Variants in SYNE3 observed in about 807,000 individuals in gnomAD.
SYNE3 encodes the protein nesprin-3.
SYNE3 carries 100 observed loss-of-function variants against 111.2 expected under a neutral mutation model. The ratio of observed to expected loss-of-function variants is 0.90; its 90% CI spans 0.77 to 1.06. SYNE3 has a LOEUF of 1.06. SYNE3 is among the 50% of genes least tolerant of loss of function. SYNE3 has a pLI of 0.00. For synonymous variants in SYNE3, 547 were observed against 533.9 expected (o/e 1.02, Z -0.34); for missense variants, 1,160 against 1,240.3 (o/e 0.94, Z 0.97).
At chr14:95,449,661 G>A in intron 8 of SYNE3, 1 of 985,446 alleles carries the variant, frequency 1.0e-6, no homozygotes, top group Non-Finnish European at 1.2e-6. Context: ...TCTCAGGAGT[G>A]CTAATGCCTC....
chr14:95,437,274 G>A (rs777621586), intron 14 of SYNE3, among the ~76,000 whole-genome samples: 12 of 152,148 alleles, frequency 7.9e-5, no homozygotes, highest in Admixed American at 3.3e-4. Flanking sequence ...TTGCCCCCTC[G>A]GGGCTCCATG....
At position 95,414,685 on chromosome 14, in the gene SYNE3, TGACA is replaced by T. The variant is rs1393193145; in HGVS notation, c.*3137_*3140del. Reference sequence around the variant, plus strand: ...TCTCCTTCCCTCCTCTCTCTCTCTCTGACACACACACACACACACACACACACAC... The same window carrying T: ...TCTCCTTCCCTCCTCTCTCTCTCTCTCACACACACACACACACACACACAC... On this transcript the variant is annotated 3_prime_UTR_variant, in exon 18 of 18. Coordinates refer to ENST00000682763, the MANE Select transcript of SYNE3 (RefSeq NM_152592.6). 1.2e-5 allele frequency: 1 copy of T among 86,844 alleles called. No homozygotes were observed. Among genetic ancestry groups the T allele is most frequent in the African/African-American group, 5.0e-5 (1 of 19,864 alleles). The allele number at this position is 86,844 out of a possible 1,614,324, so 5.4% of individuals were successfully genotyped here.
intron 6 of SYNE3, among the ~76,000 whole-genome samples, chr14:95,454,419 G>A (rs1343993847): frequency 1.3e-5 from 2 of 152,334 alleles, no homozygotes; most frequent in African/African-American, 2.4e-5. Context: ...GTAATTTTCC[G>A]AAAGCCACTC....
chr14:95,435,055 G>A (rs1217550265), intron 15 of SYNE3, among the ~76,000 whole-genome samples: 1 of 152,160 alleles, frequency 6.6e-6, no homozygotes, highest in Non-Finnish European at 1.5e-5. Flanking sequence ...GTAAGAACAG[G>A]CAGAAATAAT....
At chr14:95,495,890 C>A (rs538079196) in intron 1 of SYNE3, among the ~76,000 whole-genome samples, 58 of 152,330 alleles carry the variant, frequency 3.8e-4, no homozygotes, top group African/African-American at 1.2e-3. Flanking sequence ...GCCCGAGGGG[C>A]CAGTGAGGCT....
intron 4 of SYNE3, among the ~76,000 whole-genome samples, chr14:95,458,971 A>G (rs1257031567): frequency 6.6e-6 from 1 of 152,228 alleles, no homozygotes; most frequent in Non-Finnish European, 1.5e-5. Flanking sequence ...TCCAGACTGG[A>G]GCTGGGACAT....
chr14:95,510,507 T>C (rs545284191), intron 1 of SYNE3, among the ~76,000 whole-genome samples: 2 of 152,282 alleles, frequency 1.3e-5, no homozygotes, highest in African/African-American at 4.8e-5. Context: ...AGAATCAAAA[T>C]GTGCAGCACT....
chr14:95,482,265 C>T (rs1889306984), intron 1 of SYNE3, among the ~76,000 whole-genome samples: 1 of 152,152 alleles, frequency 6.6e-6, no homozygotes, highest in Non-Finnish European at 1.5e-5. Context: ...GAAACCCTGT[C>T]TCTACTAAAA....
chr14:95,448,265 A>T (rs1314692293), intron 8 of SYNE3, among the ~76,000 whole-genome samples: 1 of 151,862 alleles, frequency 6.6e-6, no homozygotes, highest in African/African-American at 2.4e-5. Flanking sequence ...TTTGTGACAC[A>T]TATGAAATTC....
chr14:95,429,684 TAAGCA>T (rs1461544028), intron 17 of SYNE3, among the ~76,000 whole-genome samples: 1 of 152,208 alleles, frequency 6.6e-6, no homozygotes, highest in Non-Finnish European at 1.5e-5. Flanking sequence ...ATAGCCCAAG[TAAGCA>T]GATTCTTTAG....
chr14:95,457,572 G>A (rs1004691093), intron 4 of SYNE3, among the ~76,000 whole-genome samples: 1 of 152,192 alleles, frequency 6.6e-6, no homozygotes, highest in Non-Finnish European at 1.5e-5. Flanking sequence ...TTGGCACTGG[G>A]CCCTGTCACT....
chr14:95,446,149 G>A, intron 8 of SYNE3, 58 bp from the exon 9 acceptor site: 1 of 1,590,942 alleles, frequency 6.3e-7, no homozygotes, highest in Non-Finnish European at 8.6e-7. Context: ...CTCAGAAACA[G>A]AGCCAGGGGC....
chr14:95,416,623 G>A lies in SYNE3; in HGVS notation c.*1203C>T, dbSNP rs1316550122. On this transcript the variant is annotated 3_prime_UTR_variant, in exon 18 of 18. Coordinates refer to ENST00000682763, the MANE Select transcript of SYNE3 (RefSeq NM_152592.6). ...AGCTCGCCTACACCTGGCTGGAGAG[G>A]GCCTGGTTTTGGGTGGCCTGGGCCC... The A allele has an allele frequency of 6.6e-6, 1 of 152,300 alleles. No individual in the cohort carries two copies. Among genetic ancestry groups the A allele is most frequent in the East Asian group, 1.9e-4 (1 of 5,192 alleles). The allele number at this position is 152,300 out of a possible 1,614,324, so 9.4% of individuals were successfully genotyped here. A position where few individuals can be genotyped will look rare whatever the true frequency, so the allele number is the denominator to read the frequency against.
At chr14:95,467,276 C>T (rs1888244446) in intron 3 of SYNE3, among the ~76,000 whole-genome samples, 2 of 152,334 alleles carry the variant, frequency 1.3e-5, no homozygotes, top group South Asian at 4.1e-4. Flanking sequence ...CCCCTCCTAA[C>T]TTCCTAACAA....
intron 9 of SYNE3, among the ~76,000 whole-genome samples, chr14:95,445,280 C>A (rs930450855): frequency 6.6e-6 from 1 of 152,164 alleles, no homozygotes; most frequent in African/African-American, 2.4e-5. Context: ...ACCTTCTTGA[C>A]CATTCTGCTT....
At chr14:95,418,214 T>G (rs1039548334) in intron 17 of SYNE3, among the ~76,000 whole-genome samples, 188 bp from the exon 18 acceptor site, 2 of 152,140 alleles carry the variant, frequency 1.3e-5, no homozygotes, top group Admixed American at 6.5e-5. Context: ...GTTTCTGCAG[T>G]TTTCCCAAAG....
chr14:95,426,999 A>G (rs886638468), intron 17 of SYNE3, among the ~76,000 whole-genome samples: 46 of 151,640 alleles, frequency 3.0e-4, no homozygotes, highest in African/African-American at 1.1e-3. Context: ...AGATATGATT[A>G]TATATGAATA....
chr14:95,482,494 G>A (rs1270179682), intron 1 of SYNE3, among the ~76,000 whole-genome samples: 1 of 152,158 alleles, frequency 6.6e-6, no homozygotes, highest in Admixed American at 6.5e-5. Flanking sequence ...GTCATTCAGT[G>A]ATCCAGAGGC....
intron 15 of SYNE3, among the ~76,000 whole-genome samples, chr14:95,435,499 C>T (rs1041574592): frequency 2.0e-5 from 3 of 151,680 alleles, no homozygotes; most frequent in African/African-American, 7.3e-5. Context: ...GAAGTAGTTA[C>T]ATATGTTTAA....
Sources: allele counts gnomAD v4.1 joint callset (sites outside exome capture counted in the v4.1 genomes callset), GRCh38; gene constraint gnomAD v4.1.1; transcripts MANE v1.5; gene names NCBI Gene and HGNC (gene_info 2026-07-23, HGNC 2026-07-21).